Variants in SLC35F4 observed in about 807,000 individuals in gnomAD.
The protein encoded by SLC35F4 is solute carrier family 35 member F4.
SLC35F4 carries 24 observed loss-of-function variants against 44.2 expected under a neutral mutation model. That is an observed-to-expected ratio of 0.54 (90% CI 0.39 to 0.76). SLC35F4 has a LOEUF of 0.76. Ranked by LOEUF, SLC35F4 falls within the 30% of genes least tolerant of loss-of-function variation. The pLI is 0.00. For synonymous variants in SLC35F4, 238 were observed against 223.6 expected (o/e 1.06, Z -0.57); for missense variants, 562 against 586.1 (o/e 0.96, Z 0.42).
intron 1 of SLC35F4, among the ~76,000 whole-genome samples, chr14:57,825,245 A>G (rs575008194): frequency 5.8e-4 from 89 of 152,282 alleles, no homozygotes; most frequent in Non-Finnish European, 1.0e-3. Context: ...TTCAAACAAA[A>G]AAGTGTTTTG....
chr14:57,616,405 C>A (rs186003119), intron 1 of SLC35F4, among the ~76,000 whole-genome samples: 1 of 152,148 alleles, frequency 6.6e-6, no homozygotes, highest in Admixed American at 6.5e-5. Flanking sequence ...TGATTAACTG[C>A]CCCCTTGGGT....
At chr14:57,950,210 C>A (rs928662152) in intron 1 of SLC35F4, among the ~76,000 whole-genome samples, 2 of 151,814 alleles carry the variant, frequency 1.3e-5, no homozygotes, top group African/African-American at 2.4e-5. Flanking sequence ...TTCTTGGAAG[C>A]TTTGTTCAAT....
At chr14:57,585,791 C>T (rs1017744845) in intron 3 of SLC35F4, among the ~76,000 whole-genome samples, 1 of 152,008 alleles carries the variant, frequency 6.6e-6, no homozygotes, top group Non-Finnish European at 1.5e-5. Context: ...TTTGAAGGAC[C>T]TCATCAACAA....
chr14:57,690,185 C>T (rs968767089), intron 1 of SLC35F4, among the ~76,000 whole-genome samples: 3 of 152,200 alleles, frequency 2.0e-5, no homozygotes, highest in African/African-American at 4.8e-5. Context: ...GGCCCTAACA[C>T]TTTTTACAAA....
chr14:57,805,117 A>G (rs1360598047), intron 1 of SLC35F4, among the ~76,000 whole-genome samples: 1 of 152,204 alleles, frequency 6.6e-6, no homozygotes, highest in African/African-American at 2.4e-5. Context: ...AGTCAAAAAA[A>G]CAACAGATGC....
intron 1 of SLC35F4, among the ~76,000 whole-genome samples, chr14:57,798,121 C>CAA (rs60685029): frequency 0.043 from 1,815 of 42,056 alleles, 278 homozygotes; most frequent in African/African-American, 0.097. Flanking sequence ...GACCCACGAG[C>CAA]AAAAAAAAAA....
chr14:57,587,378 G>A (rs1280083225), intron 3 of SLC35F4, among the ~76,000 whole-genome samples: 3 of 152,150 alleles, frequency 2.0e-5, no homozygotes, highest in Non-Finnish European at 4.4e-5. Flanking sequence ...GAACCCAAAT[G>A]CCCATCAATG....
Position 57,803,332 on chromosome 14 carries a change from AC to A in SLC35F4, c.103+62390del, listed in dbSNP as rs1313598880. Among the ~76,000 whole-genome samples, 4 of 152,254 alleles carry A rather than the reference AC, an allele frequency of 2.6e-5. No individual in the cohort carries two copies. In the East Asian group the frequency reaches 7.7e-4, roughly 29 times the overall value. On this transcript the variant is annotated intron_variant, in intron 1 of 7. Coordinates refer to ENST00000556826, the MANE Select transcript of SLC35F4 (RefSeq NM_001306087.2). Reference sequence around the variant, plus strand: ...AAATAATAGAAGCCATCTATGACAAACCCACAGCCAATATCATACTGACTGG... The same window carrying A: ...AAATAATAGAAGCCATCTATGACAAACCACAGCCAATATCATACTGACTGG...
intron 1 of SLC35F4, among the ~76,000 whole-genome samples, chr14:57,735,989 AC>A (rs1290063189): frequency 3.3e-5 from 5 of 152,184 alleles, no homozygotes; most frequent in Admixed American, 1.3e-4. Context: ...AGCTGGGATT[AC>A]AGGCACAAGT....
intron 1 of SLC35F4, among the ~76,000 whole-genome samples, chr14:57,836,000 G>T (rs1055852144): frequency 6.6e-6 from 1 of 152,172 alleles, no homozygotes; most frequent in East Asian, 1.9e-4. Flanking sequence ...TCAAGATGCA[G>T]GTTGTGAGAG....
chr14:57,937,581 GAAAAGAAAGAAAAGAAAAGA>G (rs1267059428), intron 1 of SLC35F4, among the ~76,000 whole-genome samples: 19 of 91,982 alleles, frequency 2.1e-4, no homozygotes, highest in South Asian at 2.0e-3. Context: ...AAAGAGAAAA[GAAAAGAAAGAAAAGAAAAGA>G]AAAGAAAAGA....
chr14:57,641,537 C>G (rs1390481980), intron 1 of SLC35F4, among the ~76,000 whole-genome samples: 2 of 151,842 alleles, frequency 1.3e-5, no homozygotes, highest in African/African-American at 4.8e-5. Flanking sequence ...AAGTCATGAC[C>G]TATTTTAAGA....
At chr14:57,870,710 A>C (rs1888280598), upstream of SLC35F4, among the ~76,000 whole-genome samples, 1 of 152,222 alleles carries the variant, frequency 6.6e-6, no homozygotes, top group South Asian at 2.1e-4. Flanking sequence ...TCGTGGGTAC[A>C]CAATAAATAT....
Position 57,769,454 on chromosome 14 carries a change from G to A in SLC35F4, c.103+96269C>T, listed in dbSNP as rs80326458. Among the ~76,000 whole-genome samples the A allele has an allele frequency of 1.7e-3, 259 of 152,278 alleles. 1 individual carries two copies. Among genetic ancestry groups the A allele is most frequent in the African/African-American group, 6.0e-3 (251 of 41,550 alleles). Reference sequence around the variant, plus strand: ...AAATACAAAATTGGGGTGTGAATCTGTGCAGGTGCAATCAGCCAAAACCTC... The same window carrying A: ...AAATACAAAATTGGGGTGTGAATCTATGCAGGTGCAATCAGCCAAAACCTC... On this transcript the variant is annotated intron_variant, in intron 1 of 7. Coordinates refer to ENST00000556826, the MANE Select transcript of SLC35F4 (RefSeq NM_001306087.2).
At chr14:57,864,654 G>A (rs969630005) in intron 1 of SLC35F4, among the ~76,000 whole-genome samples, 1 of 152,214 alleles carries the variant, frequency 6.6e-6, no homozygotes, top group Admixed American at 6.5e-5. Context: ...CACCCCAAAT[G>A]TCATAGAAAA....
chr14:57,918,629 G>A (rs1889379067), intron 1 of SLC35F4, among the ~76,000 whole-genome samples: 1 of 152,138 alleles, frequency 6.6e-6, no homozygotes, highest in Non-Finnish European at 1.5e-5. Flanking sequence ...TGTCAAATTT[G>A]TAATTACCTA....
In SLC35F4 at chr14:57,696,078, A is replaced by G. The variant is rs111596581; in HGVS notation, c.104-101954T>C. 2.6e-5 allele frequency among the ~76,000 whole-genome samples: 4 copies of G among 152,316 alleles called. 1 individual carries two copies. The highest frequency in any genetic ancestry group is 2.1e-4 in the South Asian group (1 of 4,830). Reference sequence around the variant, plus strand: ...GCAATGGCAACAAAAGCCAAAATTGACAAATGGGATCTAATTAAACTAAAG... The same window carrying G: ...GCAATGGCAACAAAAGCCAAAATTGGCAAATGGGATCTAATTAAACTAAAG... On this transcript the variant is annotated intron_variant, in intron 1 of 7. Coordinates refer to ENST00000556826, the MANE Select transcript of SLC35F4 (RefSeq NM_001306087.2).
chr14:57,627,077 A>G (rs1246582213), intron 1 of SLC35F4, among the ~76,000 whole-genome samples: 3 of 152,300 alleles, frequency 2.0e-5, no homozygotes, highest in Middle Eastern at 3.4e-3. Context: ...ATCCAAGGGC[A>G]AGGCAACATA....
chr14:57,872,181 A>G (rs1888308156), intron 1 of SLC35F4, among the ~76,000 whole-genome samples: 1 of 152,258 alleles, frequency 6.6e-6, no homozygotes, highest in Admixed American at 6.5e-5. Flanking sequence ...AATTTCAGAA[A>G]TGACTTTGTC....
Sources: gnomAD v4.1 joint callset for allele counts (sites outside exome capture counted in the v4.1 genomes callset) on GRCh38, gnomAD v4.1.1 for gene constraint, MANE v1.5 for transcripts, NCBI Gene and HGNC (gene_info 2026-07-23, HGNC 2026-07-21) for gene names.